The following DAG1 variants were observed in gnomAD, a reference collection of about 807,000 sequenced individuals.
The protein encoded by DAG1 is dystroglycan 1.
A neutral mutation model predicts 46.1 loss-of-function variants in DAG1; 8 were observed. That is an observed-to-expected ratio of 0.17 (90% CI 0.10 to 0.31). DAG1 has a LOEUF of 0.31. DAG1 is among the 10% of genes least tolerant of loss of function. The probability of loss-of-function intolerance (pLI) is 1.00; values close to 1 mark genes in which losing one functional copy is unlikely to be tolerated. For missense variants in DAG1, 1,003 were observed against 1,189.9 expected, an observed-to-expected ratio of 0.84 and a Z score of 2.31; for synonymous variants, 495 against 481.8, an observed-to-expected ratio of 1.03 and a Z score of -0.36.
At position 49,531,024 on chromosome 3, in the gene DAG1, C is replaced by T. The variant is rs2051327769; in HGVS notation, c.513C>T (p.Ser171=). ...HSELQSVRTA[S]PDPGEVVSSA... is the part of the protein sequence containing the mutation. ...AGCTGCAGTCGGTGAGGACAGCCTC[C>T]CCAGACCCTGGTGAGGTGGTATCAT... Residue 171 remains serine (S), a synonymous_variant, in exon 3 of 3, where the codon TCC becomes TCT. Coordinates refer to ENST00000308775, the MANE Select transcript of DAG1 (RefSeq NM_004393.6). The surrounding 1 kb of genome is among the most constrained non-coding windows in gnomAD (Gnocchi z 7.0). The T allele has an allele frequency of 6.2e-7, 1 of 1,614,116 alleles. No individual in the cohort carries two copies.
intron 1 of DAG1, among the ~76,000 whole-genome samples, chr3:49,475,207 T>G (rs2049647040): frequency 1.4e-5 from 2 of 146,940 alleles, no homozygotes; most frequent in Admixed American, 1.3e-4. Flanking sequence ...TGGGTTCAAG[T>G]GATTCTCCTG....
At chr3:49,481,917 A>G (rs1256814681) in intron 1 of DAG1, among the ~76,000 whole-genome samples, 5 of 152,338 alleles carry the variant, frequency 3.3e-5, no homozygotes, top group Middle Eastern at 3.4e-3. Context: ...CCAACTATGG[A>G]TTGAAAATAT....
intron 1 of DAG1, among the ~76,000 whole-genome samples, chr3:49,505,403 CAT>C (rs1212712432): frequency 1.3e-5 from 2 of 152,022 alleles, no homozygotes; most frequent in Non-Finnish European, 2.9e-5. Context: ...AAATTGTGTA[CAT>C]GTTTTGTTAG....
chr3:49,486,692 A>G (rs1260759477), intron 1 of DAG1, among the ~76,000 whole-genome samples: 3 of 151,778 alleles, frequency 2.0e-5, no homozygotes, highest in Non-Finnish European at 4.4e-5. Flanking sequence ...TAGTAGAGAC[A>G]GGGTTTCACC....
rs767245898 is a variant in DAG1 at position 49,488,434 on chromosome 3, A to G, written c.-117+18001A>G. On this transcript the variant is annotated intron_variant, in intron 1 of 2. Coordinates refer to ENST00000308775, the MANE Select transcript of DAG1 (RefSeq NM_004393.6). ...CACATCTAGGATTATATCCTTAGAT[A>G]TGTTCTAAGAAGAATGCAAGGATGA... Among the ~76,000 whole-genome samples the G allele has an allele frequency of 2.0e-4, 31 of 152,214 alleles. 2 individuals are homozygous for G. The highest frequency in any genetic ancestry group is 1.0e-4 in the Non-Finnish European group (7 of 68,034).
At chr3:49,493,425 T>G (rs1292372136) in intron 1 of DAG1, among the ~76,000 whole-genome samples, 1 of 152,158 alleles carries the variant, frequency 6.6e-6, no homozygotes. Context: ...TCCCACTTTT[T>G]CCTGTGTGCT....
chr3:49,501,011 G>T (rs1225002610), intron 1 of DAG1, among the ~76,000 whole-genome samples: 2 of 152,186 alleles, frequency 1.3e-5, no homozygotes, highest in East Asian at 3.9e-4. Context: ...CTTATAGGAA[G>T]CCAGCATCAG....
chr3:49,486,329 C>G (rs2050025453), intron 1 of DAG1, among the ~76,000 whole-genome samples: 1 of 151,966 alleles, frequency 6.6e-6, no homozygotes, highest in Admixed American at 6.6e-5. Context: ...CGCCATTCTC[C>G]TGCCTCAGCC....
chr3:49,526,387 A>G (rs372033456), intron 2 of DAG1, among the ~76,000 whole-genome samples: 6 of 152,344 alleles, frequency 3.9e-5, no homozygotes, highest in African/African-American at 1.2e-4. Flanking sequence ...TAAACTTTAC[A>G]TGGCTGCAAA....
chr3:49,487,627 A>G (rs1196414637), intron 1 of DAG1, among the ~76,000 whole-genome samples: 1 of 151,666 alleles, frequency 6.6e-6, no homozygotes, highest in African/African-American at 2.4e-5. Flanking sequence ...CTGGGAGGAA[A>G]CCACATGGAA....
In DAG1 at chr3:49,533,607, G is replaced by A. The variant is rs576709191; in HGVS notation, c.*408G>A. 127 of 366,840 alleles carry A rather than the reference G, an allele frequency of 3.5e-4. No homozygotes were observed. Among genetic ancestry groups the A allele is most frequent in the African/African-American group, 1.2e-3 (55 of 47,600 alleles). The allele number at this position is 366,840 out of a possible 1,614,324, so 22.7% of individuals were successfully genotyped here. On this transcript the variant is annotated 3_prime_UTR_variant, in exon 3 of 3. Coordinates refer to ENST00000308775, the MANE Select transcript of DAG1 (RefSeq NM_004393.6). ...TAACTGTACTGTTTTTTCTATTCAC[G>A]TGTGTCTAGCTGCAGGATGTAACAT...
intron 1 of DAG1, among the ~76,000 whole-genome samples, chr3:49,486,879 T>G (rs970088958): frequency 1.1e-4 from 16 of 152,140 alleles, no homozygotes; most frequent in Admixed American, 5.9e-4. Context: ...ATTTGATTTT[T>G]TTTGTTTGTT....
At chr3:49,495,659 T>C (rs1408938250) in intron 1 of DAG1, among the ~76,000 whole-genome samples, 2 of 152,100 alleles carry the variant, frequency 1.3e-5, no homozygotes, top group Non-Finnish European at 2.9e-5. Flanking sequence ...CAGTGGCTCA[T>C]GCCTGTAATC....
intron 1 of DAG1, among the ~76,000 whole-genome samples, chr3:49,503,885 G>A (rs2050525342): frequency 6.6e-6 from 1 of 151,594 alleles, no homozygotes; most frequent in African/African-American, 2.4e-5. Flanking sequence ...GAGTCTTACT[G>A]TGTCAGATTT....
At chr3:49,509,028 A>G (rs1466123167) in intron 1 of DAG1, among the ~76,000 whole-genome samples, 1 of 152,198 alleles carries the variant, frequency 6.6e-6, no homozygotes, top group Non-Finnish European at 1.5e-5. Context: ...CTACCATCAT[A>G]TCACCTAAGA....
At chr3:49,507,961 G>C (rs2050652487) in intron 1 of DAG1, among the ~76,000 whole-genome samples, 1 of 151,888 alleles carries the variant, frequency 6.6e-6, no homozygotes, top group South Asian at 2.1e-4. Flanking sequence ...GTTGTTTATA[G>C]TGTTTCCTTA....
intron 1 of DAG1, among the ~76,000 whole-genome samples, chr3:49,509,108 C>T (rs142205557): frequency 8.4e-4 from 128 of 152,208 alleles, no homozygotes; most frequent in Non-Finnish European, 1.1e-3. Flanking sequence ...GAGCTGGACT[C>T]ATGGGTTTTT....
intron 2 of DAG1, among the ~76,000 whole-genome samples, chr3:49,525,723 T>TA (rs1401716063): frequency 6.6e-6 from 1 of 151,426 alleles, no homozygotes; most frequent in Admixed American, 6.6e-5. Context: ...CTCGCCCCGC[T>TA]AATTTTTTTT....
intron 1 of DAG1, among the ~76,000 whole-genome samples, chr3:49,495,845 G>A (rs1037522998): frequency 6.6e-6 from 1 of 151,982 alleles, no homozygotes; most frequent in South Asian, 2.1e-4. Flanking sequence ...GCTTGAACCC[G>A]GAAGGCAGAG....
Sources: gnomAD v4.1 joint callset for allele counts (sites outside exome capture counted in the v4.1 genomes callset) on GRCh38, gnomAD v4.1.1 for gene constraint, Gnocchi (gnomAD v3.1) non-coding constraint, MANE v1.5 for transcripts, NCBI Gene and HGNC (gene_info 2026-07-23, HGNC 2026-07-21) for gene names.